Variants in RBFOX1 observed in about 807,000 individuals in gnomAD.
The protein encoded by RBFOX1 is RNA binding protein fox-1 homolog 1.
A neutral mutation model predicts 57.7 loss-of-function variants in RBFOX1; 8 were observed. The observed-to-expected ratio is 0.14, with a 90% CI of 0.08 to 0.25. The LOEUF is 0.25. Among genes scored for constraint, RBFOX1 ranks in the 10% least tolerant of loss-of-function variants. The probability of loss-of-function intolerance (pLI) is 1.00; values close to 1 mark genes in which losing one functional copy is unlikely to be tolerated. For synonymous variants in RBFOX1, 326 were observed against 222.4 expected, an observed-to-expected ratio of 1.47 and a Z score of -4.15; for missense variants, 611 against 548.5, an observed-to-expected ratio of 1.11 and a Z score of -1.14.
At chr16:5,325,290 C>G (rs565096317) in intron 1 of RBFOX1, among the ~76,000 whole-genome samples, 46 of 152,278 alleles carry the variant, frequency 3.0e-4, no homozygotes, top group African/African-American at 9.9e-4. Flanking sequence ...GGTTTACAGG[C>G]ATGGCTCTGA....
In RBFOX1 at chr16:6,867,456, C is replaced by G. The variant is rs537419789; in HGVS notation, c.-15-184601C>G. Among the ~76,000 whole-genome samples the G allele has an allele frequency of 1.1e-4, 17 of 152,082 alleles. No homozygotes were observed. In the East Asian group the frequency reaches 1.2e-3, roughly 10 times the overall value. On this transcript the variant is annotated intron_variant, in intron 3 of 15. Coordinates refer to ENST00000550418, the MANE Select transcript of RBFOX1 (RefSeq NM_018723.4). ...AAAGGGGGCCGGGTGTGGGGGCTCA[C>G]TCATGTAATTCCAGCACTTTGGGGG... is the stretch of plus-strand genomic sequence containing the variant.
At chr16:6,349,989 C>G (rs772021802) in intron 2 of RBFOX1, among the ~76,000 whole-genome samples, 2 of 152,054 alleles carry the variant, frequency 1.3e-5, no homozygotes, top group Non-Finnish European at 2.9e-5. Flanking sequence ...CTTGGCAAAA[C>G]ATGTAGAAAA....
chr16:7,311,243 C>A (rs1046902408), intron 4 of RBFOX1, among the ~76,000 whole-genome samples: 3 of 152,152 alleles, frequency 2.0e-5, no homozygotes, highest in African/African-American at 7.2e-5. Flanking sequence ...AGCAGTCCTA[C>A]CCTGTTTTGA....
intron 2 of RBFOX1, among the ~76,000 whole-genome samples, chr16:6,515,345 C>A (rs148338049): frequency 4.1e-4 from 62 of 152,322 alleles, no homozygotes; most frequent in African/African-American, 1.4e-3. Flanking sequence ...TGCCAGTCTT[C>A]TACTCAAACA....
intron 3 of RBFOX1, among the ~76,000 whole-genome samples, chr16:6,893,313 C>T (rs955830098): frequency 6.6e-6 from 1 of 152,084 alleles, no homozygotes; most frequent in Non-Finnish European, 1.5e-5. Context: ...AAAGAAAGCC[C>T]CTAGAGATCA....
At chr16:6,561,538 T>G (rs138114794) in intron 2 of RBFOX1, among the ~76,000 whole-genome samples, 1 of 152,296 alleles carries the variant, frequency 6.6e-6, no homozygotes, top group East Asian at 1.9e-4. Context: ...ATGAACACAG[T>G]ATAAAGGAAG....
intron 3 of RBFOX1, among the ~76,000 whole-genome samples, chr16:5,683,424 C>A (rs1333193932): frequency 1.3e-5 from 2 of 152,030 alleles, no homozygotes; most frequent in African/African-American, 2.4e-5. Context: ...GGGTGTGTCT[C>A]TGTGGGTGTC....
chr16:7,336,721 A>T (rs549663256), intron 4 of RBFOX1, among the ~76,000 whole-genome samples: 1 of 152,306 alleles, frequency 6.6e-6, no homozygotes, highest in Non-Finnish European at 1.5e-5. Flanking sequence ...ATCTCAATTT[A>T]TTTTTATAAT....
At chr16:6,153,970 C>A (rs1367708554) in intron 1 of RBFOX1, among the ~76,000 whole-genome samples, 1 of 152,164 alleles carries the variant, frequency 6.6e-6, no homozygotes, top group Non-Finnish European at 1.5e-5. Flanking sequence ...TGTCAAGCAA[C>A]AACACAATAA....
chr16:7,094,184 C>G (rs1238630367), intron 4 of RBFOX1, among the ~76,000 whole-genome samples: 1 of 151,672 alleles, frequency 6.6e-6, no homozygotes, highest in Non-Finnish European at 1.5e-5. Context: ...TCAAATGATG[C>G]GGGTTTGAAA....
intron 4 of RBFOX1, among the ~76,000 whole-genome samples, chr16:7,414,790 G>A (rs1229902721): frequency 1.3e-5 from 2 of 152,064 alleles, no homozygotes; most frequent in Non-Finnish European, 2.9e-5. Context: ...GCCAATTTTT[G>A]TATGTTTAGT....
At chr16:5,983,804 G>A (rs1247535823) in intron 4 of RBFOX1, among the ~76,000 whole-genome samples, 2 of 151,668 alleles carry the variant, frequency 1.3e-5, no homozygotes, top group African/African-American at 4.8e-5. Flanking sequence ...CTGTCGGGGG[G>A]TGTCAGGTCT....
At chr16:5,344,019 C>A (rs1020274534) in intron 1 of RBFOX1, among the ~76,000 whole-genome samples, 1 of 152,152 alleles carries the variant, frequency 6.6e-6, no homozygotes, top group African/African-American at 2.4e-5. Context: ...CTGCTTATGC[C>A]TCTTATGCTT....
intron 4 of RBFOX1, among the ~76,000 whole-genome samples, chr16:7,292,181 TATATG>T (rs1222687183): frequency 1.6e-5 from 2 of 123,726 alleles, no homozygotes; most frequent in African/African-American, 3.0e-5. Context: ...TCATATATCA[TATATG>T]ATATAGAACG....
At chr16:6,933,373 A>C (rs1232609548) in intron 3 of RBFOX1, among the ~76,000 whole-genome samples, 1 of 152,218 alleles carries the variant, frequency 6.6e-6, no homozygotes, top group African/African-American at 2.4e-5. Context: ...CAAGGGTTCC[A>C]ATCTGTCCAC....
At chr16:7,304,373 G>T (rs901742371) in intron 4 of RBFOX1, 113 of 985,266 alleles carry the variant, frequency 1.1e-4, no homozygotes, top group Non-Finnish European at 1.3e-4. Flanking sequence ...CTCGGCGGGC[G>T]CCAGAGAGAC....
At chr16:6,969,887 T>G (rs2085141332) in intron 3 of RBFOX1, among the ~76,000 whole-genome samples, 1 of 152,210 alleles carries the variant, frequency 6.6e-6, no homozygotes, top group Admixed American at 6.5e-5. Flanking sequence ...GTATGCAATG[T>G]TGTGTCACTT....
chr16:5,427,751 C>T (rs976996389), intron 1 of RBFOX1, among the ~76,000 whole-genome samples: 2 of 152,156 alleles, frequency 1.3e-5, no homozygotes, highest in Non-Finnish European at 2.9e-5. Flanking sequence ...TTGTTTTGCT[C>T]ATGCCTTCAC....
At chr16:5,454,916 TTTGTTTCTTTCTTCCTTCC>T in intron 1 of RBFOX1, among the ~76,000 whole-genome samples, 1 of 100,570 alleles carries the variant, frequency 9.9e-6, no homozygotes, top group African/African-American at 3.6e-5. Context: ...CTTTCTTTCC[TTTGTTTCTTTCTTCCTTCC>T]TTCCTTCCTT....
Sources: gnomAD v4.1 joint callset for allele counts (sites outside exome capture counted in the v4.1 genomes callset) on GRCh38, gnomAD v4.1.1 for gene constraint, MANE v1.5 for transcripts, NCBI Gene and HGNC (gene_info 2026-07-23, HGNC 2026-07-21) for gene names.